Variants in FAM184B observed in about 807,000 individuals in gnomAD.
FAM184B encodes protein FAM184B.
Under a neutral mutation model 135.9 loss-of-function variants are expected in FAM184B, and 111 were observed. The observed-to-expected ratio is 0.82, with a 90% CI of 0.70 to 0.96. FAM184B has a LOEUF of 0.96. Among genes scored for constraint, FAM184B ranks in the 40% least tolerant of loss-of-function variants. The pLI is 0.00. For synonymous variants in FAM184B, 552 were observed against 524.8 expected, an observed-to-expected ratio of 1.05 and a Z score of -0.71; for missense variants, 1,375 against 1,323.9, an observed-to-expected ratio of 1.04 and a Z score of -0.60.
chr4:17,649,541 A>G (rs6821139), intron 11 of FAM184B, among the ~76,000 whole-genome samples: 91,648 of 150,736 alleles, frequency 0.61, 28,365 homozygotes, highest in East Asian at 0.89. Flanking sequence ...CTGAGATCAC[A>G]CCACTGCACT....
intron 6 of FAM184B, 128 bp from the exon 7 acceptor site, chr4:17,688,659 T>C (rs551969837): frequency 5.5e-6 from 2 of 363,598 alleles, no homozygotes; most frequent in Non-Finnish European, 1.0e-5. Context: ...AGACAAATTC[T>C]ACACACACTT....
At chr4:17,646,279 C>T (rs190993542) in intron 12 of FAM184B, among the ~76,000 whole-genome samples, 5 of 151,494 alleles carry the variant, frequency 3.3e-5, no homozygotes, top group East Asian at 3.9e-4. Context: ...CACATGCACA[C>T]GTATGTTTAC....
chr4:17,712,608 C>T (rs1417209768), intron 1 of FAM184B, among the ~76,000 whole-genome samples: 1 of 152,192 alleles, frequency 6.6e-6, no homozygotes, highest in Non-Finnish European at 1.5e-5. Context: ...TCAAACTGCA[C>T]TCCTTGTAGT....
intron 7 of FAM184B, among the ~76,000 whole-genome samples, chr4:17,684,424 G>T (rs1166039477): frequency 6.6e-6 from 1 of 152,100 alleles, no homozygotes; most frequent in East Asian, 1.9e-4. Flanking sequence ...TACCATTTGA[G>T]TTCTGTACCA....
intron 7 of FAM184B, among the ~76,000 whole-genome samples, chr4:17,682,053 T>C (rs940217851): frequency 3.9e-5 from 6 of 152,164 alleles, no homozygotes; most frequent in Non-Finnish European, 7.4e-5. Context: ...CTATGGCTTG[T>C]ATAGTGATGG....
chr4:17,755,852 G>A lies in FAM184B; in HGVS notation c.141+25307C>T, dbSNP rs565656528. Among the ~76,000 whole-genome samples the A allele has an allele frequency of 7.2e-4, 110 of 152,244 alleles. 1 individual carries two copies. The highest frequency in any genetic ancestry group is 8.8e-4 in the Non-Finnish European group (60 of 68,000). ...ATGTTCTCACTTATAAATGGGAACCGAATGATGAAAACACATGGACACATG... is the reference window on the plus strand; with the variant it reads ...ATGTTCTCACTTATAAATGGGAACCAAATGATGAAAACACATGGACACATG... On this transcript the variant is annotated intron_variant, in intron 1 of 17. Coordinates refer to ENST00000265018, the MANE Select transcript of FAM184B (RefSeq NM_015688.2).
intron 1 of FAM184B, among the ~76,000 whole-genome samples, chr4:17,766,717 T>C (rs1278059228): frequency 1.3e-5 from 2 of 152,250 alleles, no homozygotes; most frequent in African/African-American, 2.4e-5. Flanking sequence ...TCCAAGTCCC[T>C]ACTAGACTCA....
chr4:17,691,128 C>T (rs528889236), intron 6 of FAM184B, among the ~76,000 whole-genome samples: 14 of 152,208 alleles, frequency 9.2e-5, no homozygotes, highest in African/African-American at 3.4e-4. Flanking sequence ...ATACTAGAGG[C>T]AGTATTAGCT....
At chr4:17,665,915 T>G (rs1157162947) in intron 7 of FAM184B, among the ~76,000 whole-genome samples, 1 of 150,864 alleles carries the variant, frequency 6.6e-6, no homozygotes, top group African/African-American at 2.4e-5. Flanking sequence ...AGTTGCTGCT[T>G]CTTAGTCTTC....
intron 17 of FAM184B, 154 bp downstream of exon 17, chr4:17,633,535 G>GAAGTTTTCAGGT: frequency 1.5e-6 from 1 of 661,204 alleles, no homozygotes; most frequent in Middle Eastern, 4.5e-4. Flanking sequence ...AACCCATGCT[G>GAAGTTTTCAGGT]AAGTTTTCAG....
Position 17,639,519 on chromosome 4 carries a change from C to G in FAM184B, c.2520-123G>C, listed in dbSNP as rs755316177. 47 of 1,152,004 alleles carry G rather than the reference C, an allele frequency of 4.1e-5. No individual in the cohort carries two copies. In the African/African-American group the frequency reaches 5.2e-4, roughly 13 times the overall value. 71.4% of individuals were successfully genotyped at this position (1,152,004 alleles called of 1,614,324 possible). ...GATCTGGGTGGGGAGAAATTGTGAT[C>G]TAAGGACACCTGTGGGAAGAAGAGC... On this transcript the variant is annotated intron_variant, in intron 13 of 17. Transcript: ENST00000265018.
intron 7 of FAM184B, among the ~76,000 whole-genome samples, chr4:17,665,448 G>A (rs1254845925): frequency 6.6e-6 from 1 of 152,200 alleles, no homozygotes; most frequent in East Asian, 1.9e-4. Flanking sequence ...ATAAGACAGG[G>A]TAGGAACAGA....
chr4:17,728,127 A>C (rs1473555739), intron 1 of FAM184B, among the ~76,000 whole-genome samples: 1 of 152,184 alleles, frequency 6.6e-6, no homozygotes, highest in African/African-American at 2.4e-5. Context: ...AATTAAAAAA[A>C]AATTATCCAG....
chr4:17,678,658 C>T lies in FAM184B; in HGVS notation c.1596+9766G>A, dbSNP rs1220201913. Among the ~76,000 whole-genome samples, 3 of 152,088 alleles carry T rather than the reference C, an allele frequency of 2.0e-5. 1 individual carries two copies. The highest frequency in any genetic ancestry group is 7.2e-5 in the African/African-American group (3 of 41,522). On this transcript the variant is annotated intron_variant, in intron 7 of 17. Transcript: ENST00000265018. Reference sequence around the variant, plus strand: ...CCATCAAAATATTGCCATCATTCTTCCCAGAACTAGGAAAAAACAAACCTA... The same window carrying T: ...CCATCAAAATATTGCCATCATTCTTTCCAGAACTAGGAAAAAACAAACCTA...
intron 1 of FAM184B, among the ~76,000 whole-genome samples, chr4:17,744,564 G>C (rs1192114358): frequency 6.6e-6 from 1 of 150,424 alleles, no homozygotes; most frequent in Non-Finnish European, 1.5e-5. Context: ...CCGCAGAGTT[G>C]CTCCTCCCAT....
intron 1 of FAM184B, among the ~76,000 whole-genome samples, chr4:17,710,053 C>T (rs1405460380): frequency 6.6e-6 from 1 of 152,060 alleles, no homozygotes; most frequent in South Asian, 2.1e-4. Flanking sequence ...AGGCCAGGTG[C>T]GGTGGCTCAC....
chr4:17,736,616 G>A (rs1006889706), intron 1 of FAM184B, among the ~76,000 whole-genome samples: 7 of 152,184 alleles, frequency 4.6e-5, no homozygotes, highest in Non-Finnish European at 7.3e-5. Flanking sequence ...CAAGTCAGCT[G>A]TCCTGGTTGT....
intron 1 of FAM184B, among the ~76,000 whole-genome samples, chr4:17,728,622 A>C (rs1717697028): frequency 1.3e-5 from 2 of 152,122 alleles, no homozygotes; most frequent in Non-Finnish European, 2.9e-5. Flanking sequence ...GGGCAGTAGG[A>C]AGGAAGAGTG....
intron 1 of FAM184B, among the ~76,000 whole-genome samples, chr4:17,727,468 C>A (rs534643221): frequency 1.3e-5 from 2 of 152,322 alleles, no homozygotes; most frequent in East Asian, 3.9e-4. Flanking sequence ...CTAGCTGAGA[C>A]TGGGTAATTT....
Sources: allele counts gnomAD v4.1 joint callset (sites outside exome capture counted in the v4.1 genomes callset), GRCh38; gene constraint gnomAD v4.1.1; transcripts MANE v1.5; gene names NCBI Gene and HGNC (gene_info 2026-07-23, HGNC 2026-07-21).